Variants in WDR4 observed in about 807,000 individuals in gnomAD.
The protein encoded by WDR4 is tRNA (guanine-N(7)-)-methyltransferase non-catalytic subunit WDR4.
Under a neutral mutation model 48.6 loss-of-function variants are expected in WDR4, and 47 were observed. The observed-to-expected ratio is 0.97, with a 90% CI of 0.77 to 1.23. The LOEUF is 1.23. Among genes scored for constraint, WDR4 ranks in the 50% most tolerant of loss-of-function variants. WDR4 has a pLI of 0.00. For missense variants in WDR4, 606 were observed against 551.6 expected (o/e 1.10, Z -0.99); for synonymous variants, 268 against 230.0 (o/e 1.17, Z -1.49).
chr21:42,844,370 G>T (rs572518757), downstream of WDR4, among the ~76,000 whole-genome samples: 31 of 152,148 alleles, frequency 2.0e-4, no homozygotes, highest in African/African-American at 7.5e-4. Context: ...AAAAGCAGCC[G>T]CAGAATACAT....
Position 42,853,576 on chromosome 21 carries a change from T to C in WDR4, c.968A>G (p.Gln323Arg). The change falls in exon 9 of 11, where the codon CAG (glutamine) becomes CGG (arginine). Residue 323 changes from glutamine to arginine, a missense_variant. By Grantham distance (43) the Gln-to-Arg change is conservative. Coordinates refer to ENST00000398208, the MANE Select transcript of WDR4 (RefSeq NM_018669.6). Reference protein sequence around the residue: ...PLVLYRPVGDQWQSVPESTVL... With the variant: ...PLVLYRPVGDRWQSVPESTVL... Reference sequence around the variant, plus strand: ...GAAGGTGCCGAGTCTCACCTGCCACTGGTCGCCCACAGGCCTGTAGAGCAC... The same window carrying C: ...GAAGGTGCCGAGTCTCACCTGCCACCGGTCGCCCACAGGCCTGTAGAGCAC... The C allele has an allele frequency of 4.4e-6, 7 of 1,608,378 alleles. No homozygotes were observed. Among genetic ancestry groups the C allele is most frequent in the Non-Finnish European group, 5.9e-6 (7 of 1,177,438 alleles).
intron 6 of WDR4, among the ~76,000 whole-genome samples, chr21:42,858,735 T>G (rs923413094): frequency 6.6e-6 from 1 of 152,124 alleles, no homozygotes; most frequent in Non-Finnish European, 1.5e-5. Flanking sequence ...CTCTGGAGAT[T>G]ATGGCCACAC....
intron 3 of WDR4, among the ~76,000 whole-genome samples, chr21:42,871,148 C>T (rs77459011): frequency 0.024 from 3,720 of 152,262 alleles, 135 homozygotes; most frequent in African/African-American, 0.079. Context: ...AGGGAGAAGA[C>T]GCCATCAGCA....
At chr21:42,854,029 A>T (rs1277554233) in intron 8 of WDR4, among the ~76,000 whole-genome samples, 2 of 152,228 alleles carry the variant, frequency 1.3e-5, no homozygotes, top group Non-Finnish European at 2.9e-5. Context: ...CCCTGGGCTC[A>T]GGCGCAGCTC....
chr21:42,863,443 A>G lies in WDR4; in HGVS notation c.450T>C (p.Asp150=), dbSNP rs754126701. Reference sequence around the variant, plus strand: ...ACCTACCACGTCCCCCACCTACCACATCTAACAGCATAGACAGGTGCCCCA... The same window carrying G: ...ACCTACCACGTCCCCCACCTACCACGTCTAACAGCATAGACAGGTGCCCCA... ...LELGHLSMLL[D]VAVSPDDRFI... The change falls in exon 4 of 11, where the codon GAT becomes GAC. Residue 150 remains aspartate (D), a synonymous_variant. Transcript: ENST00000398208. 3 of 1,605,916 alleles carry G rather than the reference A, an allele frequency of 1.9e-6. No homozygotes were observed. Among genetic ancestry groups the G allele is most frequent in the Non-Finnish European group, 2.6e-6 (3 of 1,175,614 alleles).
chr21:42,863,393 GTGTCCCACACCTGCCA>G (rs1569325094), intron 4 of WDR4, 31 bp downstream of exon 4: 1 of 1,573,242 alleles, frequency 6.4e-7, no homozygotes, highest in African/African-American at 1.4e-5. Context: ...CCCATGTACC[GTGTCCCACACCTGCCA>G]TGTCCCCCAC....
intron 6 of WDR4, among the ~76,000 whole-genome samples, chr21:42,859,345 G>T (rs4920005): frequency 0.11 from 17,342 of 152,174 alleles, 1,058 homozygotes; most frequent in East Asian, 0.23. Context: ...AGAAGCCCCC[G>T]TCTACTGTTT....
At chr21:42,846,174 A>C (rs1245348802), downstream of WDR4, among the ~76,000 whole-genome samples, 1 of 151,992 alleles carries the variant, frequency 6.6e-6, no homozygotes. Context: ...TCATCACTGC[A>C]CTATTCCTAA....
intron 3 of WDR4, among the ~76,000 whole-genome samples, chr21:42,871,871 C>G (rs573371553): frequency 6.6e-6 from 1 of 152,132 alleles, no homozygotes; most frequent in Non-Finnish European, 1.5e-5. Context: ...TAGTAAAACC[C>G]GTATACACAA....
Position 42,876,764 on chromosome 21 carries a change from A to G in WDR4, c.93T>C (p.Asp31=). The change falls in exon 2 of 11, where the codon GAT becomes GAC. Residue 31 remains aspartate (D), a synonymous_variant. Transcript: ENST00000398208. ...RFLATSIASS[D]DDSLFIYDCS... is the part of the protein sequence containing the mutation. The stretch of plus-strand genomic sequence containing the variant: ...AGTCATAGATGAAGAGGCTGTCATC[A>G]TCACTAAAGAGAAATAACAATAATT... The G allele has an allele frequency of 1.2e-6, 2 of 1,609,916 alleles. No homozygotes were observed. The highest frequency in any genetic ancestry group is 1.7e-6 in the Non-Finnish European group (2 of 1,178,784).
intron 3 of WDR4, among the ~76,000 whole-genome samples, chr21:42,866,233 GGC>G (rs1260342664): frequency 6.6e-6 from 1 of 152,156 alleles, no homozygotes; most frequent in African/African-American, 2.4e-5. Flanking sequence ...CTGCCCAGGT[GGC>G]AGGCCCTCCG....
At chr21:42,870,983 C>A (rs1056652388) in intron 3 of WDR4, among the ~76,000 whole-genome samples, 2 of 152,188 alleles carry the variant, frequency 1.3e-5, no homozygotes, top group Non-Finnish European at 2.9e-5. Context: ...GAAGCCCTGA[C>A]CTACCTAGGA....
intron 1 of WDR4, among the ~76,000 whole-genome samples, chr21:42,877,143 T>C (rs1030009601): frequency 1.0e-4 from 14 of 139,772 alleles, no homozygotes; most frequent in Admixed American, 1.4e-4. Flanking sequence ...CCCTAATTTT[T>C]TTTTTTTTTT....
intron 6 of WDR4, among the ~76,000 whole-genome samples, chr21:42,859,450 C>T (rs1471544490): frequency 2.0e-5 from 3 of 152,018 alleles, no homozygotes; most frequent in South Asian, 2.1e-4. Context: ...ATCCCACAGG[C>T]GAACACACAC....
chr21:42,874,305 A>G (rs1287895321), intron 2 of WDR4, among the ~76,000 whole-genome samples: 1 of 152,230 alleles, frequency 6.6e-6, no homozygotes, highest in African/African-American at 2.4e-5. Flanking sequence ...TCTTTACTTT[A>G]ATCTCTTAAT....
upstream of WDR4, chr21:42,879,921 G>T: frequency 1.8e-5 from 7 of 398,854 alleles, no homozygotes; most frequent in Non-Finnish European, 3.1e-5. Context: ...CATGAAGTCA[G>T]CAGTTCGAGA....
chr21:42,890,916 T>C, the WDR4 span, among the ~76,000 whole-genome samples: 1 of 152,188 alleles, frequency 6.6e-6, no homozygotes, highest in African/African-American at 2.4e-5. Flanking sequence ...CACAGTTACC[T>C]CCCAACCAGG....
intron 7 of WDR4, 46 bp downstream of exon 7, chr21:42,855,636 G>T: frequency 2.1e-6 from 3 of 1,429,470 alleles, no homozygotes; most frequent in South Asian, 1.3e-5. Flanking sequence ...GCGACTGCCG[G>T]TGTCTACAAG....
intron 11 of WDR4, among the ~76,000 whole-genome samples, chr21:42,843,458 T>C (rs1449888971): frequency 7.7e-6 from 1 of 130,362 alleles, no homozygotes; most frequent in African/African-American, 3.0e-5. Context: ...TCACCCAGGC[T>C]GGAATGCAGT....
Sources: gnomAD v4.1 joint callset for allele counts (sites outside exome capture counted in the v4.1 genomes callset) on GRCh38, gnomAD v4.1.1 for gene constraint, MANE v1.5 for transcripts, NCBI Gene and HGNC (gene_info 2026-07-23, HGNC 2026-07-21) for gene names.